DISC1: variants seen among roughly 807,000 people sequenced by gnomAD.
DISC1 encodes DISC1 scaffold protein, also known as disrupted in schizophrenia 1 protein.
DISC1 carries 57 observed loss-of-function variants against 84.5 expected under a neutral mutation model. The observed-to-expected ratio is 0.67, with a 90% CI of 0.55 to 0.84. DISC1 has a LOEUF of 0.84. DISC1 is among the 40% of genes least tolerant of loss of function. DISC1 has a pLI of 0.00. For synonymous variants in DISC1, 411 were observed against 415.2 expected, an observed-to-expected ratio of 0.99 and a Z score of 0.12; for missense variants, 1,000 against 1,057.8, an observed-to-expected ratio of 0.95 and a Z score of 0.76.
At chr1:231,784,079 A>G (rs565152527) in intron 6 of DISC1, among the ~76,000 whole-genome samples, 3 of 152,252 alleles carry the variant, frequency 2.0e-5, no homozygotes, top group Admixed American at 6.5e-5. Context: ...CTGTCCCAAC[A>G]TGGTGAAACC....
At chr1:231,959,788 A>G (rs965857579) in intron 10 of DISC1, among the ~76,000 whole-genome samples, 5 of 152,206 alleles carry the variant, frequency 3.3e-5, no homozygotes, top group African/African-American at 1.2e-4. Flanking sequence ...AGACTTGGGA[A>G]GAATCTATGA....
chr1:231,811,085 G>T (rs1287765743), intron 8 of DISC1, among the ~76,000 whole-genome samples: 1 of 152,230 alleles, frequency 6.6e-6, no homozygotes, highest in Non-Finnish European at 1.5e-5. Flanking sequence ...TGTGTGTCCA[G>T]TGTTATCTTC....
At chr1:231,635,473 C>T (rs1290881080) in intron 1 of DISC1, among the ~76,000 whole-genome samples, 1 of 152,102 alleles carries the variant, frequency 6.6e-6, no homozygotes, top group Non-Finnish European at 1.5e-5. Flanking sequence ...ATCGTCTGCT[C>T]TCTCCTTCTT....
At chr1:231,901,201 C>G (rs1026763363) in intron 9 of DISC1, among the ~76,000 whole-genome samples, 1 of 152,246 alleles carries the variant, frequency 6.6e-6, no homozygotes. Flanking sequence ...AATGGCTGGC[C>G]TGTCTTCAAA....
At chr1:231,642,058 C>T (rs1379928509) in intron 1 of DISC1, among the ~76,000 whole-genome samples, 44 of 152,232 alleles carry the variant, frequency 2.9e-4, no homozygotes, top group Admixed American at 2.9e-3. Flanking sequence ...CGGGGAGGCT[C>T]AGGCATGGCG....
intron 9 of DISC1, among the ~76,000 whole-genome samples, chr1:231,893,741 C>A (rs2087446164): frequency 6.6e-6 from 1 of 152,142 alleles, no homozygotes; most frequent in South Asian, 2.1e-4. Flanking sequence ...ACGTTAGGAC[C>A]ACTGGTGTTC....
chr1:231,806,268 A>G (rs760848573), intron 8 of DISC1, among the ~76,000 whole-genome samples: 15 of 152,172 alleles, frequency 9.9e-5, no homozygotes, highest in Admixed American at 8.5e-4. Context: ...ACTCAGTGCT[A>G]CAGGTTCCCG....
chr1:231,691,305 C>T lies in DISC1; in HGVS notation c.68-2521C>T, dbSNP rs529355486. 4.6e-5 allele frequency among the ~76,000 whole-genome samples: 7 copies of T among 152,150 alleles called. No homozygotes were observed. The South Asian group carries it at 1.5e-3, about 32-fold the overall frequency. Reference sequence around the variant, plus strand: ...AATTAGCTGGGCGTGGTGGCAGGCACCCGCAATCCCAGCTACTTGGGAGGC... The same window carrying T: ...AATTAGCTGGGCGTGGTGGCAGGCATCCGCAATCCCAGCTACTTGGGAGGC... On this transcript the variant is annotated intron_variant, in intron 1 of 12. Transcript: ENST00000439617.
chr1:232,004,468 A>T (rs766626354), intron 10 of DISC1, among the ~76,000 whole-genome samples: 1 of 152,174 alleles, frequency 6.6e-6, no homozygotes, highest in Admixed American at 6.5e-5. Context: ...TTAAAAAAGG[A>T]TTAATTTATA....
intron 8 of DISC1, among the ~76,000 whole-genome samples, chr1:231,800,837 C>G (rs140690459): frequency 6.6e-6 from 1 of 151,434 alleles, no homozygotes; most frequent in Admixed American, 6.6e-5. Context: ...GTTGAGGCTG[C>G]GGGATGTGTC....
chr1:231,898,624 G>T (rs2087888962), intron 9 of DISC1, among the ~76,000 whole-genome samples: 1 of 152,182 alleles, frequency 6.6e-6, no homozygotes, highest in African/African-American at 2.4e-5. Context: ...AAGAGTTGTT[G>T]AATGTTCTAC....
intron 10 of DISC1, among the ~76,000 whole-genome samples, chr1:231,972,348 C>A: frequency 6.6e-6 from 1 of 152,300 alleles, no homozygotes; most frequent in East Asian, 1.9e-4. Flanking sequence ...GGCAGGGGCT[C>A]ACCTGGAGTA....
At chr1:231,858,994 C>T (rs1422004998) in intron 9 of DISC1, among the ~76,000 whole-genome samples, 1 of 152,204 alleles carries the variant, frequency 6.6e-6, no homozygotes, top group Non-Finnish European at 1.5e-5. Flanking sequence ...TCTTGAGTGC[C>T]CACTCATCCT....
At chr1:231,708,601 A>C (rs12044355) in intron 3 of DISC1, among the ~76,000 whole-genome samples, 42,872 of 152,080 alleles carry the variant, frequency 0.28, 6,702 homozygotes, top group East Asian at 0.37. Context: ...TACTGTGGGA[A>C]GAATTGTCAC....
intron 10 of DISC1, among the ~76,000 whole-genome samples, chr1:231,959,764 C>T (rs1660119603): frequency 6.6e-6 from 1 of 152,210 alleles, no homozygotes; most frequent in South Asian, 2.1e-4. Flanking sequence ...TCTTTCCCTG[C>T]TTCCCATGCT....
rs2088789326 is a variant in DISC1 at position 231,907,137 on chromosome 1, CTTT to C, written c.1982-51690_1982-51688del. On this transcript the variant is annotated intron_variant, in intron 9 of 12. Coordinates refer to ENST00000439617, the MANE Select transcript of DISC1 (RefSeq NM_018662.3). Reference sequence around the variant, plus strand: ...TTCCTTCCTTCCTTCCTTCCTCTTTCTTTCTTTCTTTCTTTCTTTCTTTCTTTC... The same window carrying C: ...TTCCTTCCTTCCTTCCTTCCTCTTTCCTTTCTTTCTTTCTTTCTTTCTTTC... Among the ~76,000 whole-genome samples, 62 of 74,754 alleles carry C rather than the reference CTTT, an allele frequency of 8.3e-4. 1 individual carries two copies. The highest frequency in any genetic ancestry group is 9.9e-4 in the Non-Finnish European group (36 of 36,506). 49.0% of individuals were successfully genotyped at this position (74,754 alleles called of 152,430 possible).
At chr1:231,713,680 G>GATATATATATATATATAT (rs1200959736) in intron 3 of DISC1, among the ~76,000 whole-genome samples, 50 of 120,792 alleles carry the variant, frequency 4.1e-4, no homozygotes, top group African/African-American at 1.6e-3. Context: ...TCATGAAGCA[G>GATATATATATATATATAT]ATATATATAT....
intron 3 of DISC1, chr1:231,722,814 G>A (rs2070009280): frequency 3.5e-6 from 5 of 1,444,508 alleles, no homozygotes; most frequent in Non-Finnish European, 4.5e-6. Context: ...AAAACCAGGT[G>A]GGCATTTCTG....
chr1:231,801,806 A>G (rs946064766), intron 8 of DISC1, among the ~76,000 whole-genome samples: 1 of 151,348 alleles, frequency 6.6e-6, no homozygotes, highest in African/African-American at 2.4e-5. Flanking sequence ...GCCCTATTGA[A>G]TGGAAAGGAT....
Sources: gnomAD v4.1 joint callset for allele counts (sites outside exome capture counted in the v4.1 genomes callset) on GRCh38, gnomAD v4.1.1 for gene constraint, MANE v1.5 for transcripts, NCBI Gene and HGNC (gene_info 2026-07-23, HGNC 2026-07-21) for gene names.